Variants in CR1 observed in about 807,000 individuals in gnomAD.
CR1 encodes the protein complement C3b/C4b receptor 1 (Knops blood group).
Under a neutral mutation model 187.3 loss-of-function variants are expected in CR1, and 116 were observed. The ratio of observed to expected loss-of-function variants is 0.62; its 90% CI spans 0.53 to 0.72. CR1 has a LOEUF of 0.72. Among genes scored for constraint, CR1 ranks in the 30% least tolerant of loss-of-function variants. The pLI, the probability that CR1 is intolerant of heterozygous loss-of-function variation, is 0.00. For synonymous variants in CR1, 576 were observed against 747.1 expected, an observed-to-expected ratio of 0.77 and a Z score of 3.73; for missense variants, 1,731 against 2,110.7, an observed-to-expected ratio of 0.82 and a Z score of 3.52.
chr1:207,616,271 A>G (rs1356563175), intron 40 of CR1, among the ~76,000 whole-genome samples: 1 of 152,212 alleles, frequency 6.6e-6, no homozygotes, highest in African/African-American at 2.4e-5. Flanking sequence ...CCTGAGTTAA[A>G]GTAGACAACC....
At position 207,523,997 on chromosome 1, in the gene CR1, A is replaced by C; in HGVS notation, c.874A>C (p.Ser292Arg). ...ALNKWEPELP[S>R]CSRVCQPPPD... ...GAACAAATGGGAGCCGGAGCTACCA[A>C]GCTGCTCCAGGGGTGAGTCTGACTG... is the stretch of plus-strand genomic sequence containing the variant. The change falls in exon 5 of 47, where the codon AGC (serine) becomes CGC (arginine). Residue 292 changes from serine (S) to arginine (R), a missense_variant. By Grantham distance (110) the Ser-to-Arg change is moderately radical. Around this residue, in one of 5 missense-constraint regions of CR1, gnomAD observed 131 missense variants for 196.8 expected, o/e 0.67. Coordinates refer to ENST00000367049, the MANE Select transcript of CR1 (RefSeq NM_000651.6). 2 of 1,611,758 alleles carry C rather than the reference A, an allele frequency of 1.2e-6. No homozygotes were observed. The highest frequency in any genetic ancestry group is 8.5e-7 in the Non-Finnish European group (1 of 1,179,714).
intron 3 of CR1, among the ~76,000 whole-genome samples, chr1:207,508,728 T>C (rs1659525667): frequency 1.3e-5 from 2 of 152,218 alleles, no homozygotes; most frequent in Non-Finnish European, 2.9e-5. Flanking sequence ...AAGTTTTTTT[T>C]TTTTTTAAAG....
chr1:207,608,285 A>T (rs1661810261), intron 36 of CR1, among the ~76,000 whole-genome samples: 1 of 152,226 alleles, frequency 6.6e-6, no homozygotes, highest in Non-Finnish European at 1.5e-5. Flanking sequence ...ATCCAAGTGG[A>T]AAAAGTACAT....
At chr1:207,574,535 G>A (rs1376912740) in intron 27 of CR1, among the ~76,000 whole-genome samples, 2 of 152,048 alleles carry the variant, frequency 1.3e-5, no homozygotes, top group Non-Finnish European at 2.9e-5. Context: ...AAATCTCAAT[G>A]AGATAGGATA....
chr1:207,629,022 G>A (rs923493790), intron 45 of CR1, among the ~76,000 whole-genome samples: 6 of 152,194 alleles, frequency 3.9e-5, no homozygotes, highest in Admixed American at 2.0e-4. Context: ...GCGCCTGCAC[G>A]TTTTGATATT....
intron 33 of CR1, among the ~76,000 whole-genome samples, chr1:207,585,552 G>A (rs1661088807): frequency 6.6e-6 from 1 of 152,190 alleles, no homozygotes; most frequent in South Asian, 2.1e-4. Context: ...GCAAACATTA[G>A]GCCTTTTCCA....
chr1:207,630,663 C>A (rs1281423008), intron 46 of CR1, 42 bp downstream of exon 46: 1 of 1,357,172 alleles, frequency 7.4e-7, no homozygotes, highest in East Asian at 2.6e-5. Flanking sequence ...TTCAACAACT[C>A]AAATATCAAA....
Position 207,609,721 on chromosome 1 carries a change from T to A in CR1, c.6295+33T>A, listed in dbSNP as rs771852657. ...TGACCCATCAAGACTTTGCTGGGTG[T>A]GAGGGTACGTATAGATGATAGGAGT... is the stretch of plus-strand genomic sequence containing the variant. On this transcript the variant is annotated intron_variant, in intron 37 of 46. Transcript: ENST00000367049. 12 of 1,527,472 alleles carry A rather than the reference T, an allele frequency of 7.9e-6. No homozygotes were observed. The East Asian group carries it at 2.5e-4, about 32-fold the overall frequency. The allele number at this position is 1,527,472 out of a possible 1,614,324, so 94.6% of individuals were successfully genotyped here.
chr1:207,635,662 G>C (rs559622470), intron 46 of CR1, among the ~76,000 whole-genome samples: 6 of 152,244 alleles, frequency 3.9e-5, no homozygotes, highest in Admixed American at 3.3e-4. Context: ...GACCCTTTAC[G>C]GGTGTCAGGC....
At chr1:207,590,464 T>G (rs921433303) in intron 35 of CR1, among the ~76,000 whole-genome samples, 1 of 152,150 alleles carries the variant, frequency 6.6e-6, no homozygotes, top group South Asian at 2.1e-4. Flanking sequence ...AAGGAAGCAC[T>G]AAACATGGAA....
chr1:207,523,658 A>G lies in CR1; in HGVS notation c.535A>G (p.Ser179Gly). 6.2e-7 allele frequency: 1 copy of G among 1,613,968 alleles called. No homozygotes were observed. The highest frequency in any genetic ancestry group is 1.1e-5 in the South Asian group (1 of 91,080). The change falls in exon 5 of 47, where the codon AGC becomes GGC. Residue 179 changes from serine to glycine, a missense_variant. Physicochemically the swap from Ser to Gly is moderately conservative, Grantham distance 56. Transcript: ENST00000367049. ...PPTITNGDFI[S>G]TNRENFHYGS... ...CACCATCACCAATGGAGATTTCATT[A>G]GCACCAACAGAGAGAATTTTCACTA...
chr1:207,582,516 T>C (rs1660988016), intron 32 of CR1, among the ~76,000 whole-genome samples: 1 of 152,218 alleles, frequency 6.6e-6, no homozygotes, highest in South Asian at 2.1e-4. Flanking sequence ...ATAGAAATGT[T>C]CAAATGATAC....
intron 46 of CR1, among the ~76,000 whole-genome samples, chr1:207,638,855 T>A (rs1662894764): frequency 6.6e-6 from 1 of 152,216 alleles, no homozygotes; most frequent in African/African-American, 2.4e-5. Context: ...CTGTGGAGAT[T>A]TTTTGTGGGG....
At chr1:207,605,425 A>T (rs994726427) in intron 35 of CR1, among the ~76,000 whole-genome samples, 5 of 152,188 alleles carry the variant, frequency 3.3e-5, no homozygotes, top group Admixed American at 3.3e-4. Context: ...AATCATTTGC[A>T]ACAGAAACAT....
intron 45 of CR1, among the ~76,000 whole-genome samples, chr1:207,625,160 T>A (rs74153335): frequency 0.039 from 5,943 of 152,284 alleles, 384 homozygotes; most frequent in African/African-American, 0.13. Context: ...TAAAATTATT[T>A]CTTTGGAAAT....
At chr1:207,517,847 C>T (rs1311466206) in intron 4 of CR1, among the ~76,000 whole-genome samples, 1 of 152,130 alleles carries the variant, frequency 6.6e-6, no homozygotes, top group African/African-American at 2.4e-5. Flanking sequence ...TACCCTTACA[C>T]TCATTAATTT....
intron 43 of CR1, among the ~76,000 whole-genome samples, chr1:207,620,670 G>A (rs1662289182): frequency 6.6e-6 from 1 of 152,108 alleles, no homozygotes; most frequent in Admixed American, 6.5e-5. Context: ...CACCAAGATT[G>A]TTCAAGATCC....
At position 207,640,401 on chromosome 1, in the gene CR1, C is replaced by T. The variant is rs1028723956; in HGVS notation, c.*992C>T. ...CCACCTGCCTCGGCCTCCCAAAGTG[C>T]TGCGATTACAGGCATGAGCCACCGC... On this transcript the variant is annotated 3_prime_UTR_variant, in exon 47 of 47. Coordinates refer to ENST00000367049, the MANE Select transcript of CR1 (RefSeq NM_000651.6). 6.6e-6 allele frequency: 1 copy of T among 152,210 alleles called. No homozygotes were observed. The highest frequency in any genetic ancestry group is 1.5e-5 in the Non-Finnish European group (1 of 68,056). 9.4% of individuals were successfully genotyped at this position (152,210 alleles called of 1,614,324 possible).
intron 1 of CR1, among the ~76,000 whole-genome samples, chr1:207,503,098 T>C (rs557783110): frequency 2.0e-5 from 3 of 152,296 alleles, no homozygotes; most frequent in African/African-American, 7.2e-5. Context: ...TTTCTAAGGG[T>C]AATAATCGTA....
Sources: allele counts gnomAD v4.1 joint callset (sites outside exome capture counted in the v4.1 genomes callset), GRCh38; gene constraint gnomAD v4.1.1; regional missense constraint gnomAD v4.1.1; transcripts MANE v1.5; gene names NCBI Gene and HGNC (gene_info 2026-07-23, HGNC 2026-07-21).